The following SLC25A21 variants were observed in gnomAD, a reference collection of about 807,000 sequenced individuals.
SLC25A21 encodes mitochondrial 2-oxodicarboxylate carrier.
Under a neutral mutation model 43.8 loss-of-function variants are expected in SLC25A21, and 47 were observed. The observed-to-expected ratio is 1.07, with a 90% CI of 0.85 to 1.37. The LOEUF is 1.37. Among genes scored for constraint, SLC25A21 ranks in the 40% most tolerant of loss-of-function variants. SLC25A21 has a pLI of 0.00. For missense variants in SLC25A21, 352 were observed against 350.2 expected (o/e 1.00, Z -0.04); for synonymous variants, 131 against 121.3 (o/e 1.08, Z -0.52).
chr14:36,730,633 C>A (rs1033556444), intron 4 of SLC25A21, among the ~76,000 whole-genome samples: 1 of 152,180 alleles, frequency 6.6e-6, no homozygotes, highest in East Asian at 1.9e-4. Context: ...GTTTTACTAT[C>A]TGGTAAATTT....
At chr14:36,964,582 C>A (rs571065698) in intron 1 of SLC25A21, among the ~76,000 whole-genome samples, 2 of 152,116 alleles carry the variant, frequency 1.3e-5, no homozygotes, top group Non-Finnish European at 2.9e-5. Context: ...CACTAATGTG[C>A]GTAAAGTTCT....
intron 7 of SLC25A21, among the ~76,000 whole-genome samples, chr14:36,702,216 G>T (rs943110170): frequency 5.9e-5 from 9 of 151,872 alleles, no homozygotes; most frequent in Admixed American, 1.3e-4. Flanking sequence ...AATCTTCTCT[G>T]GGGTCCCTGA....
intron 1 of SLC25A21, among the ~76,000 whole-genome samples, chr14:37,051,763 A>G (rs1030490915): frequency 1.3e-5 from 2 of 152,212 alleles, no homozygotes; most frequent in Non-Finnish European, 2.9e-5. Context: ...TCTTTGTCCA[A>G]GGGACACAAA....
At chr14:36,927,030 C>T (rs1342412695) in intron 1 of SLC25A21, among the ~76,000 whole-genome samples, 3 of 151,956 alleles carry the variant, frequency 2.0e-5, no homozygotes, top group Non-Finnish European at 4.4e-5. Flanking sequence ...ATCAGCCAGG[C>T]GTGGTCGTGT....
intron 1 of SLC25A21, among the ~76,000 whole-genome samples, chr14:37,110,692 C>T (rs1438940271): frequency 6.6e-6 from 1 of 152,048 alleles, no homozygotes; most frequent in Non-Finnish European, 1.5e-5. Context: ...TAAGGGACCA[C>T]CATATTGCGC....
chr14:36,990,597 C>T (rs1334322688), intron 1 of SLC25A21, among the ~76,000 whole-genome samples: 1 of 152,100 alleles, frequency 6.6e-6, no homozygotes, highest in Non-Finnish European at 1.5e-5. Flanking sequence ...TGAAATCAGG[C>T]CAGGTGCGGT....
At chr14:36,935,928 T>G (rs1566752070) in intron 1 of SLC25A21, among the ~76,000 whole-genome samples, 1 of 152,158 alleles carries the variant, frequency 6.6e-6, no homozygotes, top group Non-Finnish European at 1.5e-5. Context: ...GTCCTGCAGG[T>G]TTAGAGTAAA....
chr14:37,128,534 C>G (rs997608717), intron 1 of SLC25A21, among the ~76,000 whole-genome samples: 9 of 97,942 alleles, frequency 9.2e-5, no homozygotes, highest in African/African-American at 3.4e-4. Context: ...CTCTCTCTCT[C>G]TCTCTGTGTG....
intron 1 of SLC25A21, among the ~76,000 whole-genome samples, chr14:37,117,588 T>C (rs1324702646): frequency 1.3e-5 from 2 of 152,144 alleles, no homozygotes; most frequent in African/African-American, 4.8e-5. Flanking sequence ...TAATATAACA[T>C]ATACTAGAGT....
At chr14:36,831,925 G>T (rs1468522875) in intron 2 of SLC25A21, among the ~76,000 whole-genome samples, 2 of 152,206 alleles carry the variant, frequency 1.3e-5, no homozygotes, top group African/African-American at 4.8e-5. Flanking sequence ...AGCTATTTTA[G>T]TCACAGCAGA....
At chr14:36,752,409 A>G (rs996997029) in intron 3 of SLC25A21, among the ~76,000 whole-genome samples, 3 of 152,242 alleles carry the variant, frequency 2.0e-5, no homozygotes, top group Admixed American at 1.3e-4. Context: ...TATACCCACA[A>G]GAAGTGAAAG....
intron 1 of SLC25A21, 106 bp from the exon 2 acceptor site, chr14:36,875,110 G>A: frequency 1.3e-6 from 1 of 797,742 alleles, no homozygotes; most frequent in East Asian, 2.7e-5. Flanking sequence ...AAAGAACTTG[G>A]GACTTCGGAT....
intron 1 of SLC25A21, among the ~76,000 whole-genome samples, chr14:36,989,064 A>C (rs1960206652): frequency 6.6e-6 from 1 of 152,236 alleles, no homozygotes; most frequent in Non-Finnish European, 1.5e-5. Context: ...TTTTAGAATT[A>C]TCATATTTCA....
intron 1 of SLC25A21, among the ~76,000 whole-genome samples, chr14:36,995,302 T>C (rs1960347982): frequency 6.6e-6 from 1 of 152,252 alleles, no homozygotes; most frequent in Non-Finnish European, 1.5e-5. Flanking sequence ...GAATCATTTT[T>C]CCATTTTGTG....
At position 36,973,416 on chromosome 14, in the gene SLC25A21, T is replaced by C. The variant is rs1305798678; in HGVS notation, c.71-98412A>G. Among the ~76,000 whole-genome samples, 4 of 152,088 alleles carry C rather than the reference T, an allele frequency of 2.6e-5. No individual in the cohort carries two copies. In the South Asian group the frequency reaches 6.2e-4, roughly 24 times the overall value. On this transcript the variant is annotated intron_variant, in intron 1 of 9. Coordinates refer to ENST00000331299, the MANE Select transcript of SLC25A21 (RefSeq NM_030631.4). ...CCGTGGGGTGTGGTGGCCAGTTACATATGGAGCAAGGAGAAGCCCTAAGGT... is the reference window on the plus strand; with the variant it reads ...CCGTGGGGTGTGGTGGCCAGTTACACATGGAGCAAGGAGAAGCCCTAAGGT...
intron 1 of SLC25A21, among the ~76,000 whole-genome samples, chr14:37,047,439 G>T (rs1372447097): frequency 6.6e-6 from 1 of 152,144 alleles, no homozygotes; most frequent in Non-Finnish European, 1.5e-5. Context: ...ACCTAAAGGG[G>T]CAATGTAGCA....
At chr14:36,929,502 A>C (rs1892227955) in intron 1 of SLC25A21, among the ~76,000 whole-genome samples, 1 of 152,182 alleles carries the variant, frequency 6.6e-6, no homozygotes, top group African/African-American at 2.4e-5. Flanking sequence ...TTAAAAGGTA[A>C]GTCTGTTTCC....
chr14:37,015,107 T>C (rs1594753109), intron 1 of SLC25A21, among the ~76,000 whole-genome samples: 1 of 151,986 alleles, frequency 6.6e-6, no homozygotes, highest in Non-Finnish European at 1.5e-5. Flanking sequence ...TAGTTACATA[T>C]GTATACATGT....
chr14:37,046,780 G>A (rs906287134), intron 1 of SLC25A21, among the ~76,000 whole-genome samples: 33 of 152,244 alleles, frequency 2.2e-4, no homozygotes, highest in Non-Finnish European at 4.4e-4. Flanking sequence ...ACCAGATTGT[G>A]CAGGATAGGG....
Sources: allele counts gnomAD v4.1 joint callset (sites outside exome capture counted in the v4.1 genomes callset), GRCh38; gene constraint gnomAD v4.1.1; transcripts MANE v1.5; gene names NCBI Gene and HGNC (gene_info 2026-07-23, HGNC 2026-07-21).